The following MYBPC1 variants were observed in gnomAD, a reference collection of about 807,000 sequenced individuals.
MYBPC1 encodes the protein myosin-binding protein C, slow-type.
In MYBPC1, 52 loss-of-function variants were observed where a neutral mutation model predicts 147.1. The observed-to-expected ratio is 0.35, with a 90% CI of 0.28 to 0.45. MYBPC1 has a LOEUF of 0.45. Among genes scored for constraint, MYBPC1 ranks in the 20% least tolerant of loss-of-function variants. The probability of loss-of-function intolerance (pLI) is 1.00; values close to 1 mark genes in which losing one functional copy is unlikely to be tolerated. For missense variants in MYBPC1, 1,228 were observed against 1,440.3 expected (o/e 0.85, Z 2.39); for synonymous variants, 477 against 475.9 (o/e 1.00, Z -0.03).
intron 1 of MYBPC1, among the ~76,000 whole-genome samples, chr12:101,598,221 T>C (rs1434465837): frequency 2.0e-5 from 3 of 152,116 alleles, no homozygotes; most frequent in African/African-American, 7.2e-5. Context: ...GGTTTCGCCA[T>C]GTTGGCCAGG....
At chr12:101,620,909 A>G (rs933619650) in intron 3 of MYBPC1, among the ~76,000 whole-genome samples, 2 of 152,148 alleles carry the variant, frequency 1.3e-5, no homozygotes, top group Non-Finnish European at 1.5e-5. Flanking sequence ...TTTCCCAGGC[A>G]TTCACCACAT....
chr12:101,646,532 G>A lies in MYBPC1; in HGVS notation c.966-231G>A, dbSNP rs1020409564. Among the ~76,000 whole-genome samples, 6 of 152,144 alleles carry A rather than the reference G, an allele frequency of 3.9e-5. No homozygotes were observed. The East Asian group carries it at 7.7e-4, about 20-fold the overall frequency. On this transcript the variant is annotated intron_variant, in intron 12 of 31. Coordinates refer to ENST00000361466, the MANE Select transcript of MYBPC1 (RefSeq NM_002465.4). Reference sequence around the variant, plus strand: ...CCCACACCTGTGGTCCCGGCCACACGGGAGGCTGAGGCAGGAGGATCACTT... The same window carrying A: ...CCCACACCTGTGGTCCCGGCCACACAGGAGGCTGAGGCAGGAGGATCACTT...
chr12:101,657,601 G>T lies in MYBPC1; in HGVS notation c.1768-2071G>T, dbSNP rs573596027. Among the ~76,000 whole-genome samples the T allele has an allele frequency of 2.0e-5, 3 of 152,226 alleles. No homozygotes were observed. The South Asian group carries it at 6.2e-4, about 32-fold the overall frequency. On this transcript the variant is annotated intron_variant, in intron 18 of 31. Transcript: ENST00000361466. Reference sequence around the variant, plus strand: ...TAAATTTCACAACCTAGTTGAAATGGACCAACTCCTTGAAAGATACAATCT... The same window carrying T: ...TAAATTTCACAACCTAGTTGAAATGTACCAACTCCTTGAAAGATACAATCT...
At chr12:101,612,661 T>G (rs1884699305) in intron 1 of MYBPC1, among the ~76,000 whole-genome samples, 3 of 152,200 alleles carry the variant, frequency 2.0e-5, no homozygotes, top group Non-Finnish European at 4.4e-5. Flanking sequence ...AACTTGTCTG[T>G]AGACAGAGCC....
intron 1 of MYBPC1, among the ~76,000 whole-genome samples, chr12:101,608,170 A>T (rs1882968515): frequency 6.6e-6 from 1 of 152,242 alleles, no homozygotes; most frequent in South Asian, 2.1e-4. Context: ...TCAGTGCTGC[A>T]GAGGGAGAGA....
chr12:101,644,674 A>C lies in MYBPC1; in HGVS notation c.843A>C (p.Lys281Asn), dbSNP rs769337492. 1.9e-6 allele frequency: 3 copies of C among 1,613,798 alleles called. No homozygotes were observed. Among genetic ancestry groups the C allele is most frequent in the Non-Finnish European group, 2.5e-6 (3 of 1,179,744 alleles). ...REEKKSAAFA[K>N]ILDPAYQVDK... Reference sequence around the variant, plus strand: ...CTTCTATTCTATCAGCTTTTGCAAAAATTCTTGATCCTGCATATCAGGTTG... The same window carrying C: ...CTTCTATTCTATCAGCTTTTGCAAACATTCTTGATCCTGCATATCAGGTTG... The change falls in exon 12 of 32, where the codon AAA becomes AAC. Residue 281 changes from lysine to asparagine, a missense_variant. Transcript: ENST00000361466.
intron 1 of MYBPC1, among the ~76,000 whole-genome samples, chr12:101,597,621 C>T (rs751456729): frequency 1.6e-4 from 25 of 152,196 alleles, no homozygotes; most frequent in South Asian, 4.1e-4. Flanking sequence ...AATTAGTCAA[C>T]GGTCCTTGTT....
rs1186518274 is a variant in MYBPC1 at position 101,649,440 on chromosome 12, C to G, written c.1363+14C>G. 2 of 1,613,064 alleles carry G rather than the reference C, an allele frequency of 1.2e-6. No homozygotes were observed. Among genetic ancestry groups the G allele is most frequent in the Admixed American group, 3.3e-5 (2 of 59,996 alleles). On this transcript the variant is annotated intron_variant, in intron 15 of 31. Coordinates refer to ENST00000361466, the MANE Select transcript of MYBPC1 (RefSeq NM_002465.4). Reference sequence around the variant, plus strand: ...TTAGTGTTGACTGTAAGTGAGACTTCTTTAGATGTCTTCTCAGTGGGCTTA... The same window carrying G: ...TTAGTGTTGACTGTAAGTGAGACTTGTTTAGATGTCTTCTCAGTGGGCTTA...
intron 3 of MYBPC1, 108 bp from the exon 4 acceptor site, chr12:101,626,764 A>C: frequency 2.1e-6 from 2 of 954,842 alleles, no homozygotes. Context: ...TCAGCAGTTG[A>C]AAGTGTATTG....
At chr12:101,646,699 G>T in intron 12 of MYBPC1, 64 bp from the exon 13 acceptor site, 13 of 1,578,800 alleles carry the variant, frequency 8.2e-6, no homozygotes, top group Non-Finnish European at 1.1e-5. Flanking sequence ...AAATTTGCTG[G>T]CAATAAAGAA....
intron 5 of MYBPC1, among the ~76,000 whole-genome samples, chr12:101,628,433 A>G (rs1259996938): frequency 6.6e-6 from 1 of 152,202 alleles, no homozygotes; most frequent in Non-Finnish European, 1.5e-5. Flanking sequence ...ATTGTCACAT[A>G]ATTGTGAAAA....
intron 1 of MYBPC1, among the ~76,000 whole-genome samples, chr12:101,597,986 C>T (rs528755771): frequency 2.6e-5 from 4 of 151,192 alleles, no homozygotes; most frequent in East Asian, 3.9e-4. Flanking sequence ...TAATTGCCCC[C>T]GGTTCCTACT....
chr12:101,644,149 G>T (rs1000768833), intron 11 of MYBPC1, among the ~76,000 whole-genome samples: 5 of 152,136 alleles, frequency 3.3e-5, no homozygotes, highest in Non-Finnish European at 5.9e-5. Flanking sequence ...TGACTCTCAT[G>T]CCTCAGCCTC....
intron 18 of MYBPC1, among the ~76,000 whole-genome samples, chr12:101,656,274 A>C (rs895685461): frequency 5.9e-5 from 9 of 152,194 alleles, no homozygotes; most frequent in African/African-American, 2.2e-4. Context: ...AAAATGTAGA[A>C]GACAATAATA....
At position 101,678,122 on chromosome 12, in the gene MYBPC1, G is replaced by A. The variant is rs1436092968; in HGVS notation, c.3130G>A (p.Val1044Met). 1.2e-6 allele frequency: 2 copies of A among 1,613,694 alleles called. No homozygotes were observed. The highest frequency in any genetic ancestry group is 1.7e-6 in the Non-Finnish European group (2 of 1,179,606). ...ARDGKIYKNP[V>M]YEDFDFSEAP... ...TTAAGGTAAAATCTACAAAAATCCA[G>A]TGTATGAAGACTTTGATTTCTCAGA... The change falls in exon 28 of 32, where the codon GTG becomes ATG. Residue 1044 changes from valine to methionine, a missense_variant. Physicochemically the swap from Val to Met is conservative, Grantham distance 21. Transcript: ENST00000361466.
At chr12:101,662,711 TAG>T (rs1896772698) in intron 21 of MYBPC1, among the ~76,000 whole-genome samples, 165 bp downstream of exon 21, 1 of 152,178 alleles carries the variant, frequency 6.6e-6, no homozygotes, top group African/African-American at 2.4e-5. Flanking sequence ...AATTAAAAAG[TAG>T]GTTTGGTCAA....
intron 10 of MYBPC1, among the ~76,000 whole-genome samples, chr12:101,640,365 A>C (rs1292023445): frequency 2.0e-5 from 3 of 152,154 alleles, no homozygotes; most frequent in Admixed American, 2.0e-4. Context: ...AAAATATTTA[A>C]AGGATGTATT....
chr12:101,634,094 G>T (rs1287743069), intron 8 of MYBPC1, among the ~76,000 whole-genome samples: 2 of 152,060 alleles, frequency 1.3e-5, no homozygotes, highest in Non-Finnish European at 2.9e-5. Flanking sequence ...TAGAGACGGG[G>T]TTTCACCGTG....
At chr12:101,664,291 T>C (rs1897071340) in intron 22 of MYBPC1, 1 of 152,190 alleles carries the variant, frequency 6.6e-6, no homozygotes, top group Non-Finnish European at 1.5e-5. Context: ...CTTACCAAAA[T>C]CCTGTTGTGT....
Sources: gnomAD v4.1 joint callset for allele counts (sites outside exome capture counted in the v4.1 genomes callset) on GRCh38, gnomAD v4.1.1 for gene constraint, MANE v1.5 for transcripts, NCBI Gene and HGNC (gene_info 2026-07-23, HGNC 2026-07-21) for gene names.